GPRASP3: variants seen among roughly 807,000 people sequenced by gnomAD.
GPRASP3 encodes G protein-coupled receptor associated sorting protein 3.
At chrX:102,735,192 T>A in the GPRASP3 span, among the ~76,000 whole-genome samples, 6 of 111,797 alleles carry the variant, frequency 5.4e-5, no homozygotes, top group Non-Finnish European at 7.5e-5. Flanking sequence ...GAATTCTTAA[T>A]AAAATGTTAT....
At chrX:102,749,053 A>C in the GPRASP3 span, 1 of 1,211,921 alleles carries the variant, frequency 8.3e-7, no homozygotes, top group Non-Finnish European at 1.1e-6. Flanking sequence ...AAAGGCTGCT[A>C]TACAAGCTAA....
the GPRASP3 span, chrX:102,745,960 C>T: frequency 3.6e-5 from 4 of 111,656 alleles, no homozygotes; most frequent in Non-Finnish European, 7.5e-5. Flanking sequence ...CGCGCCGTAT[C>T]CCTCCGCCCC....
At chrX:102,736,597 G>C in the GPRASP3 span, among the ~76,000 whole-genome samples, 1 of 111,226 alleles carries the variant, frequency 9.0e-6, no homozygotes, top group Non-Finnish European at 1.9e-5. Context: ...CCCCAAAAGA[G>C]AAATGCTACG....
At chrX:102,750,418 C>A in the GPRASP3 span, 1 of 1,199,883 alleles carries the variant, frequency 8.3e-7, no homozygotes, top group Non-Finnish European at 1.1e-6. Flanking sequence ...GTCTGAAAAT[C>A]CAACTGCAGC....
chrX:102,733,976 G>T, the GPRASP3 span, among the ~76,000 whole-genome samples: 1 of 109,804 alleles, frequency 9.1e-6, no homozygotes, highest in Non-Finnish European at 1.9e-5. Flanking sequence ...TCTCTGACTG[G>T]CAGGGGCGGG....
chrX:102,745,126 C>T, the GPRASP3 span, among the ~76,000 whole-genome samples: 1 of 110,917 alleles, frequency 9.0e-6, no homozygotes, highest in East Asian at 2.8e-4. Context: ...ATAGTGGTCC[C>T]CTCTCCTCCC....
At chrX:102,727,671 C>T in the GPRASP3 span, among the ~76,000 whole-genome samples, 4 of 112,475 alleles carry the variant, frequency 3.6e-5, no homozygotes, top group Non-Finnish European at 7.5e-5. Context: ...ACTGACTTAG[C>T]AATTATGACC....
At chrX:102,745,990 G>A in the GPRASP3 span, 4 of 112,048 alleles carry the variant, frequency 3.6e-5, no homozygotes, top group Admixed American at 1.9e-4. Context: ...CACCCTCGCG[G>A]AGAGAGCGGT....
the GPRASP3 span, chrX:102,749,345 C>T: frequency 2.2e-5 from 27 of 1,210,136 alleles, no homozygotes; most frequent in South Asian, 4.8e-4. Flanking sequence ...GGGGAAGAGG[C>T]CACTATCAAT....
the GPRASP3 span, among the ~76,000 whole-genome samples, chrX:102,743,425 C>A: frequency 9.0e-6 from 1 of 111,152 alleles, no homozygotes; most frequent in Non-Finnish European, 1.9e-5. Flanking sequence ...ATATATAGAG[C>A]TACTTCTTTT....
chrX:102,734,036 G>T, the GPRASP3 span, among the ~76,000 whole-genome samples: 1 of 111,197 alleles, frequency 9.0e-6, no homozygotes, highest in African/African-American at 3.3e-5. Context: ...TGAGCCAGGA[G>T]AAGGAATTTC....
chrX:102,741,774 C>A, the GPRASP3 span, among the ~76,000 whole-genome samples: 1 of 111,896 alleles, frequency 8.9e-6, no homozygotes, highest in Non-Finnish European at 1.9e-5. Context: ...CAAAACAAAA[C>A]CCCTTACTTA....
the GPRASP3 span, among the ~76,000 whole-genome samples, chrX:102,727,207 G>A: frequency 6.2e-5 from 7 of 112,595 alleles, no homozygotes; most frequent in Admixed American, 1.9e-4. Context: ...TTAATTCAGC[G>A]AAGGACTCAG....
chrX:102,725,608 C>T, the GPRASP3 span, among the ~76,000 whole-genome samples: 1 of 108,908 alleles, frequency 9.2e-6, no homozygotes, highest in Non-Finnish European at 1.9e-5. Context: ...CTCACTGCAA[C>T]TTCTGTCTCC....
the GPRASP3 span, among the ~76,000 whole-genome samples, chrX:102,726,415 G>T: frequency 2.7e-5 from 3 of 112,336 alleles, no homozygotes; most frequent in Non-Finnish European, 5.6e-5. Flanking sequence ...TTATCATAAA[G>T]AAATTAAACC....
the GPRASP3 span, chrX:102,748,844 A>G: frequency 1.8e-6 from 1 of 550,893 alleles, no homozygotes; most frequent in Non-Finnish European, 2.9e-6. Context: ...ATGTTTGGAA[A>G]GAGAACTTTG....
the GPRASP3 span, among the ~76,000 whole-genome samples, chrX:102,727,724 C>G: frequency 2.7e-5 from 3 of 112,259 alleles, no homozygotes; most frequent in African/African-American, 9.7e-5. Flanking sequence ...CTTGCTTTCT[C>G]CAGCCCACTC....
the GPRASP3 span, among the ~76,000 whole-genome samples, chrX:102,734,781 G>A: frequency 1.8e-5 from 2 of 111,633 alleles, no homozygotes; most frequent in African/African-American, 6.5e-5. Flanking sequence ...TACCCACTAA[G>A]TTATATCAGA....
At chrX:102,750,483 G>C in the GPRASP3 span, 1 of 1,210,045 alleles carries the variant, frequency 8.3e-7, no homozygotes, top group Non-Finnish European at 1.1e-6. Flanking sequence ...TCTTTAACCA[G>C]AAAGAGGCAA....
Sources: allele counts gnomAD v4.1 joint callset (sites outside exome capture counted in the v4.1 genomes callset), GRCh38; gene constraint gnomAD v4.1.1; transcripts MANE v1.5; gene names NCBI Gene and HGNC (gene_info 2026-07-23, HGNC 2026-07-21).